Variants in FANCC observed in about 807,000 individuals in gnomAD.
FANCC encodes Fanconi anemia group C protein.
FANCC carries 55 observed loss-of-function variants against 71.3 expected under a neutral mutation model. The ratio of observed to expected loss-of-function variants is 0.77; its 90% CI spans 0.62 to 0.97. FANCC has a LOEUF of 0.97. Among genes scored for constraint, FANCC ranks in the 50% least tolerant of loss-of-function variants. The pLI, the probability that FANCC is intolerant of heterozygous loss-of-function variation, is 0.00. For missense variants in FANCC, 678 were observed against 670.9 expected (o/e 1.01, Z -0.12); for synonymous variants, 275 against 244.9 (o/e 1.12, Z -1.15).
chr9:95,201,656 A>G (rs560820058), intron 4 of FANCC, among the ~76,000 whole-genome samples: 1 of 152,328 alleles, frequency 6.6e-6, no homozygotes, highest in East Asian at 1.9e-4. Context: ...AAATGTAGGG[A>G]AAAAAATTTG....
At chr9:95,137,233 A>G (rs1432134428) in intron 7 of FANCC, among the ~76,000 whole-genome samples, 3 of 152,044 alleles carry the variant, frequency 2.0e-5, no homozygotes, top group Admixed American at 6.6e-5. Flanking sequence ...ACATGGGGAG[A>G]GCAGTTCCTA....
intron 1 of FANCC, among the ~76,000 whole-genome samples, chr9:95,282,418 G>A (rs1013496306): frequency 2.0e-5 from 3 of 152,108 alleles, no homozygotes; most frequent in African/African-American, 4.8e-5. Context: ...CAATGTCAGA[G>A]CACCTAAATA....
intron 1 of FANCC, among the ~76,000 whole-genome samples, chr9:95,254,726 G>GAACC (rs1748096684): frequency 6.6e-6 from 1 of 152,246 alleles, no homozygotes; most frequent in African/African-American, 2.4e-5. Flanking sequence ...CAGCGAGACA[G>GAACC]AACCGTTCAC....
At chr9:95,244,667 A>G (rs1449138136) in intron 3 of FANCC, among the ~76,000 whole-genome samples, 6 of 130,038 alleles carry the variant, frequency 4.6e-5, no homozygotes, top group Admixed American at 4.1e-4. Flanking sequence ...CAACAGAGCA[A>G]GACTTTGTCT....
intron 3 of FANCC, among the ~76,000 whole-genome samples, chr9:95,247,212 C>CGTGTGTGTGT (rs3030679): frequency 8.0e-5 from 12 of 149,642 alleles, no homozygotes; most frequent in South Asian, 4.2e-4. Flanking sequence ...TGCGTGCACG[C>CGTGTGTGTGT]GTGTGTGTGT....
At chr9:95,123,654 T>C (rs756963140) in intron 10 of FANCC, 1 of 630,468 alleles carries the variant, frequency 1.6e-6, no homozygotes, top group Non-Finnish European at 3.0e-6. Flanking sequence ...GGAAACACAG[T>C]GGAGGCTGCA....
chr9:95,264,537 G>A (rs1021995722), intron 1 of FANCC, among the ~76,000 whole-genome samples: 2 of 152,130 alleles, frequency 1.3e-5, no homozygotes, highest in African/African-American at 4.8e-5. Context: ...TAAGCCCAGA[G>A]AGCTAAGTCT....
chr9:95,261,012 C>T (rs1832006718), intron 1 of FANCC, among the ~76,000 whole-genome samples: 1 of 152,090 alleles, frequency 6.6e-6, no homozygotes, highest in African/African-American at 2.4e-5. Context: ...GGGGAAAATC[C>T]AAAACCTGCT....
chr9:95,212,584 C>G (rs1302939968), intron 4 of FANCC, among the ~76,000 whole-genome samples: 1 of 151,970 alleles, frequency 6.6e-6, no homozygotes, highest in Non-Finnish European at 1.5e-5. Context: ...GACATGCACT[C>G]CAAGCAATGG....
intron 4 of FANCC, among the ~76,000 whole-genome samples, chr9:95,233,743 C>T (rs1830141170): frequency 1.3e-5 from 2 of 152,060 alleles, no homozygotes. Context: ...GGTGTGTACT[C>T]CAAGTAGTGC....
At chr9:95,226,902 C>A (rs987599705) in intron 4 of FANCC, among the ~76,000 whole-genome samples, 2 of 152,164 alleles carry the variant, frequency 1.3e-5, no homozygotes, top group Non-Finnish European at 2.9e-5. Context: ...GGATGTAGAG[C>A]TACAAAGGTC....
intron 1 of FANCC, among the ~76,000 whole-genome samples, chr9:95,311,233 C>CAAAA (rs10710492): frequency 6.6e-5 from 5 of 76,006 alleles, no homozygotes; most frequent in South Asian, 4.7e-4. Context: ...GATTCCGTCT[C>CAAAA]AAAAAAAAAA....
At chr9:95,116,594 TTTCTGG>T (rs2072442181) in intron 11 of FANCC, among the ~76,000 whole-genome samples, 1 of 152,238 alleles carries the variant, frequency 6.6e-6, no homozygotes, top group East Asian at 1.9e-4. Context: ...ATAAGGCCCC[TTTCTGG>T]CTGGCGCAGT....
intron 10 of FANCC, among the ~76,000 whole-genome samples, chr9:95,118,950 G>A (rs1053580000): frequency 5.3e-5 from 8 of 152,198 alleles, no homozygotes. Context: ...GAACTGCTGG[G>A]TCACAGATAG....
chr9:95,114,941 T>A (rs561517805), intron 11 of FANCC, among the ~76,000 whole-genome samples: 26 of 152,118 alleles, frequency 1.7e-4, no homozygotes, highest in Non-Finnish European at 3.2e-4. Flanking sequence ...AATCTTTTAA[T>A]TTTAGTTTTG....
intron 2 of FANCC, among the ~76,000 whole-genome samples, chr9:95,248,713 T>C (rs192584710): frequency 1.2e-3 from 181 of 152,014 alleles, no homozygotes; most frequent in Middle Eastern, 6.8e-3. Flanking sequence ...TTAATATTTA[T>C]AAAAAGTATT....
At chr9:95,282,917 G>C (rs1833455850) in intron 1 of FANCC, among the ~76,000 whole-genome samples, 1 of 152,128 alleles carries the variant, frequency 6.6e-6, no homozygotes, top group South Asian at 2.1e-4. Flanking sequence ...AATCCTATGG[G>C]ATAGAGCAAA....
At chr9:95,194,169 A>G (rs954275283) in intron 4 of FANCC, among the ~76,000 whole-genome samples, 3 of 152,122 alleles carry the variant, frequency 2.0e-5, no homozygotes, top group African/African-American at 7.2e-5. Flanking sequence ...TAAATTTCGT[A>G]TATTTTTGGA....
chr9:95,268,667 T>G (rs1313062642), intron 1 of FANCC, among the ~76,000 whole-genome samples: 1 of 152,234 alleles, frequency 6.6e-6, no homozygotes, highest in African/African-American at 2.4e-5. Context: ...ACATCGTAAT[T>G]GTTTGGATAA....
Sources: gnomAD v4.1 joint callset for allele counts (sites outside exome capture counted in the v4.1 genomes callset) on GRCh38, gnomAD v4.1.1 for gene constraint, MANE v1.5 for transcripts, NCBI Gene and HGNC (gene_info 2026-07-23, HGNC 2026-07-21) for gene names.